PTK2: variants seen among roughly 807,000 people sequenced by gnomAD.
PTK2 encodes protein tyrosine kinase 2, also known as focal adhesion kinase 1.
Under a neutral mutation model 150.1 loss-of-function variants are expected in PTK2, and 45 were observed. The ratio of observed to expected loss-of-function variants is 0.30; its 90% CI spans 0.24 to 0.38. The LOEUF (loss-of-function observed/expected upper bound fraction) is 0.38. PTK2 is among the 10% of genes least tolerant of loss of function. The pLI is 1.00. For missense variants in PTK2, 919 were observed against 1,307.3 expected (o/e 0.70, Z 4.58); for synonymous variants, 432 against 449.2 (o/e 0.96, Z 0.48).
chr8:140,691,876 A>C (rs1378252307), intron 26 of PTK2, among the ~76,000 whole-genome samples: 1 of 152,234 alleles, frequency 6.6e-6, no homozygotes, highest in Non-Finnish European at 1.5e-5. Flanking sequence ...TAGACGAGGA[A>C]CTTGACTTAG....
At chr8:140,837,653 T>C (rs1182103634) in intron 7 of PTK2, among the ~76,000 whole-genome samples, 1 of 151,986 alleles carries the variant, frequency 6.6e-6, no homozygotes, top group Non-Finnish European at 1.5e-5. Flanking sequence ...CACTTGCACC[T>C]GGGAGGTGGA....
chr8:140,770,385 T>C lies in PTK2; in HGVS notation c.1178-6095A>G, dbSNP rs1016071702. On this transcript the variant is annotated intron_variant, in intron 14 of 31. Coordinates refer to ENST00000522684, the Ensembl canonical transcript of PTK2. ...GCATGCTATATTAGGAAATCCATGATGCAAAAAGTGTGATCCTGCTGACCT... is the reference window on the plus strand; with the variant it reads ...GCATGCTATATTAGGAAATCCATGACGCAAAAAGTGTGATCCTGCTGACCT... Among the ~76,000 whole-genome samples the C allele has an allele frequency of 6.6e-5, 10 of 152,302 alleles. No homozygotes were observed. In the South Asian group the frequency reaches 2.1e-3, roughly 32 times the overall value.
chr8:140,906,607 A>T (rs2100160974), intron 2 of PTK2, among the ~76,000 whole-genome samples: 1 of 152,226 alleles, frequency 6.6e-6, no homozygotes, highest in Non-Finnish European at 1.5e-5. Flanking sequence ...TAGGAGCTAA[A>T]AAAAGTGAAT....
chr8:140,674,540 G>C (rs1178218321), intron 28 of PTK2, 136 bp from the exon 32 acceptor site: 7 of 710,954 alleles, frequency 9.8e-6, no homozygotes, highest in East Asian at 2.9e-5. Flanking sequence ...AGGAATTCGA[G>C]ATCAGCCTGA....
At chr8:140,850,625 G>C (rs1044739611) in intron 5 of PTK2, among the ~76,000 whole-genome samples, 7 of 151,930 alleles carry the variant, frequency 4.6e-5, no homozygotes, top group Non-Finnish European at 1.0e-4. Flanking sequence ...AGCTACTTGG[G>C]AGGCTGAGGC....
Position 140,688,215 on chromosome 8 carries a change from G to C in PTK2, c.2500-1521C>G, listed in dbSNP as rs189937220. ...GGCAAAAGTCACAACTTACTTATCT[G>C]TTCATTCAACAGAATTACAAAACAG... On this transcript the variant is annotated intron_variant, in intron 26 of 31. Coordinates refer to ENST00000522684, the Ensembl canonical transcript of PTK2. Among the ~76,000 whole-genome samples the C allele has an allele frequency of 3.8e-3, 575 of 152,190 alleles. 5 individuals carry two copies. The highest frequency in any genetic ancestry group is 0.013 in the African/African-American group (552 of 41,510).
intron 14 of PTK2, among the ~76,000 whole-genome samples, chr8:140,778,086 T>C (rs902752957): frequency 6.6e-6 from 1 of 152,232 alleles, no homozygotes; most frequent in Admixed American, 6.5e-5. Context: ...ATTGGCTTGC[T>C]GCACGTTGGG....
intron 1 of PTK2, among the ~76,000 whole-genome samples, chr8:140,985,589 A>G (rs2100193016): frequency 6.6e-6 from 1 of 151,334 alleles, no homozygotes; most frequent in Non-Finnish European, 1.5e-5. Context: ...TCCCCTCTCC[A>G]CTTGGCTAAT....
chr8:140,726,498 A>T (rs1216630490), intron 22 of PTK2, among the ~76,000 whole-genome samples: 1 of 152,210 alleles, frequency 6.6e-6, no homozygotes, highest in African/African-American at 2.4e-5. Context: ...AAAGAAAATC[A>T]TGGAAGCTGC....
At chr8:140,727,588 A>C (rs1313378277) in intron 22 of PTK2, among the ~76,000 whole-genome samples, 1 of 152,208 alleles carries the variant, frequency 6.6e-6, no homozygotes, top group Non-Finnish European at 1.5e-5. Context: ...GCTTAAAAAA[A>C]ACACAGTAGT....
chr8:140,785,340 CAATA>C (rs751143159), intron 14 of PTK2, among the ~76,000 whole-genome samples: 14 of 152,312 alleles, frequency 9.2e-5, no homozygotes, highest in South Asian at 6.2e-4. Context: ...ATATCCCAGA[CAATA>C]AAGAGATAAA....
At chr8:140,739,717 G>A (rs1274574151) in intron 20 of PTK2, among the ~76,000 whole-genome samples, 1 of 152,152 alleles carries the variant, frequency 6.6e-6, no homozygotes, top group Non-Finnish European at 1.5e-5. Context: ...ACTAACAGGT[G>A]CCAGAGTTGG....
chr8:140,966,330 T>A (rs773607496), intron 1 of PTK2, among the ~76,000 whole-genome samples: 1 of 152,250 alleles, frequency 6.6e-6, no homozygotes, highest in Non-Finnish European at 1.5e-5. Context: ...CACATTCTGA[T>A]AACCGCTTTT....
intron 1 of PTK2, chr8:140,983,696 A>AGGAAGGAG (rs201527848): frequency 7.6e-6 from 1 of 130,742 alleles, no homozygotes; most frequent in Admixed American, 8.2e-5. Flanking sequence ...GAAGGAAAGG[A>AGGAAGGAG]GGAAGGAGGG....
In PTK2 at chr8:140,972,390, G is replaced by A. The variant is rs1001031193; in HGVS notation, c.-122+28735C>T. ...AGTGATTCACCTGCCTCGGCCTCCC[G>A]AGTAGCTGCAACTACAGGCGCACGC... On this transcript the variant is annotated intron_variant, in intron 1 of 31. Coordinates refer to ENST00000522684, the Ensembl canonical transcript of PTK2. Among the ~76,000 whole-genome samples, 16 of 151,918 alleles carry A rather than the reference G, an allele frequency of 1.1e-4. 1 individual carries two copies. Among genetic ancestry groups the A allele is most frequent in the Non-Finnish European group, 1.9e-4 (13 of 68,008 alleles).
intron 2 of PTK2, among the ~76,000 whole-genome samples, chr8:140,897,846 T>C (rs2100156906): frequency 6.6e-6 from 1 of 152,236 alleles, no homozygotes; most frequent in South Asian, 2.1e-4. Flanking sequence ...CCCCTCACCA[T>C]GGAAAGGTAA....
chr8:140,715,758 A>G (rs2100039362), intron 23 of PTK2, among the ~76,000 whole-genome samples: 1 of 151,028 alleles, frequency 6.6e-6, no homozygotes, highest in Non-Finnish European at 1.5e-5. Flanking sequence ...AAGAATCTCA[A>G]AATATATATT....
intron 24 of PTK2, among the ~76,000 whole-genome samples, chr8:140,704,713 G>A (rs2100032679): frequency 1.3e-5 from 2 of 152,104 alleles, no homozygotes; most frequent in African/African-American, 4.8e-5. Context: ...TAGAGGTGGG[G>A]TTTCTTTCTT....
At chr8:140,681,942 T>C (rs1455732309) in intron 27 of PTK2, among the ~76,000 whole-genome samples, 1 of 152,148 alleles carries the variant, frequency 6.6e-6, no homozygotes, top group African/African-American at 2.4e-5. Flanking sequence ...TATAAATAAC[T>C]CTCACAAGCT....
Sources: gnomAD v4.1 joint callset for allele counts (sites outside exome capture counted in the v4.1 genomes callset) on GRCh38, gnomAD v4.1.1 for gene constraint, MANE v1.5 for transcripts, NCBI Gene and HGNC (gene_info 2026-07-23, HGNC 2026-07-21) for gene names.